The following SPECC1 variants were observed in gnomAD, a reference collection of about 807,000 sequenced individuals.
The protein encoded by SPECC1 is cytospin-B.
In SPECC1, 62 loss-of-function variants were observed where a neutral mutation model predicts 104.1. The observed-to-expected ratio is 0.60, with a 90% CI of 0.49 to 0.74. The LOEUF (loss-of-function observed/expected upper bound fraction) is 0.74. SPECC1 is among the 30% of genes least tolerant of loss of function. SPECC1 has a pLI of 0.00. For missense variants in SPECC1, 1,306 were observed against 1,310.5 expected, an observed-to-expected ratio of 1.00 and a Z score of 0.05; for synonymous variants, 513 against 501.6, an observed-to-expected ratio of 1.02 and a Z score of -0.30.
At chr17:20,200,492 G>A (rs1472304086) in intron 3 of SPECC1, among the ~76,000 whole-genome samples, 1 of 152,178 alleles carries the variant, frequency 6.6e-6, no homozygotes, top group Non-Finnish European at 1.5e-5. Flanking sequence ...ATGACGGGGT[G>A]GGAGCAGCAC....
At chr17:20,069,097 T>C (rs1320207577) in intron 1 of SPECC1, among the ~76,000 whole-genome samples, 1 of 152,258 alleles carries the variant, frequency 6.6e-6, no homozygotes, top group Non-Finnish European at 1.5e-5. Flanking sequence ...AGTTACCTTT[T>C]CTGCTCCCTC....
intron 3 of SPECC1, among the ~76,000 whole-genome samples, chr17:20,197,674 A>G (rs1331994962): frequency 2.0e-5 from 3 of 152,234 alleles, no homozygotes; most frequent in Non-Finnish European, 1.5e-5. Context: ...TCAAGCTCCC[A>G]AGGACATAAA....
chr17:20,086,423 TCA>T (rs1367469592), intron 1 of SPECC1, among the ~76,000 whole-genome samples: 1 of 152,106 alleles, frequency 6.6e-6, no homozygotes. Context: ...GCCACAGCAC[TCA>T]GTGTGGTTGG....
At chr17:20,080,837 G>C (rs976055236) in intron 1 of SPECC1, among the ~76,000 whole-genome samples, 1 of 152,134 alleles carries the variant, frequency 6.6e-6, no homozygotes, top group Non-Finnish European at 1.5e-5. Context: ...GCATCCCTTG[G>C]CCATCCTGAG....
intron 3 of SPECC1, among the ~76,000 whole-genome samples, chr17:20,144,175 CTTTTTTTTTTTTT>C (rs1168474738): frequency 2.1e-5 from 2 of 94,406 alleles, no homozygotes; most frequent in African/African-American, 4.8e-5. Context: ...TTTTTCTTTT[CTTTTTTTTTTTTT>C]TTTTTTTTTT....
chr17:20,247,471 T>TA, intron 9 of SPECC1, 152 bp downstream of exon 9: 1 of 506,950 alleles, frequency 2.0e-6, no homozygotes, highest in Non-Finnish European at 3.5e-6. Context: ...TTCCAATACT[T>TA]ATTTCACTTT....
chr17:20,257,114 TAAAAC>T (rs549242955), intron 10 of SPECC1, among the ~76,000 whole-genome samples: 60 of 152,290 alleles, frequency 3.9e-4, no homozygotes, highest in African/African-American at 1.4e-3. Flanking sequence ...GTCTGTCAGT[TAAAAC>T]AAAAGATACT....
At chr17:20,309,002 G>A (rs1230225580) in intron 14 of SPECC1, among the ~76,000 whole-genome samples, 1 of 152,120 alleles carries the variant, frequency 6.6e-6, no homozygotes, top group Non-Finnish European at 1.5e-5. Context: ...AGTGAGCTGG[G>A]AAGTGAATGA....
intron 5 of SPECC1, among the ~76,000 whole-genome samples, chr17:20,227,838 G>A (rs184105798): frequency 6.6e-5 from 10 of 152,252 alleles, no homozygotes; most frequent in Non-Finnish European, 1.2e-4. Context: ...TCACTTGAAC[G>A]CAGGAGGCGG....
At chr17:20,253,442 CTG>C in intron 9 of SPECC1, 61 bp from the exon 10 acceptor site, 3 of 1,481,910 alleles carry the variant, frequency 2.0e-6, no homozygotes, top group Non-Finnish European at 1.9e-6. Context: ...ACACACACAT[CTG>C]TGTTTGTGCT....
intron 12 of SPECC1, among the ~76,000 whole-genome samples, chr17:20,291,719 A>T (rs2041171376): frequency 6.6e-6 from 1 of 151,880 alleles, no homozygotes. Flanking sequence ...TAATTTTTGT[A>T]TTTTTAGTAG....
chr17:20,063,721 T>C (rs1412101921), intron 1 of SPECC1, among the ~76,000 whole-genome samples: 1 of 152,136 alleles, frequency 6.6e-6, no homozygotes, highest in East Asian at 1.9e-4. Flanking sequence ...TCAGAATCCA[T>C]CAAGAAATGA....
At chr17:20,268,241 G>A (rs1042303559) in intron 12 of SPECC1, among the ~76,000 whole-genome samples, 1 of 152,154 alleles carries the variant, frequency 6.6e-6, no homozygotes, top group Non-Finnish European at 1.5e-5. Context: ...GACAGATGAC[G>A]TCTTTGAACC....
At chr17:20,283,538 T>G (rs1380783231) in intron 12 of SPECC1, among the ~76,000 whole-genome samples, 2 of 152,200 alleles carry the variant, frequency 1.3e-5, no homozygotes, top group Non-Finnish European at 2.9e-5. Flanking sequence ...TATTTGTATT[T>G]CCTCTTCAGT....
chr17:20,292,344 G>C (rs7224557), intron 12 of SPECC1, among the ~76,000 whole-genome samples: 1 of 145,238 alleles, frequency 6.9e-6, no homozygotes, highest in East Asian at 2.4e-4. Flanking sequence ...CTTTTTTTTT[G>C]GGGGGGGGAC....
intron 1 of SPECC1, among the ~76,000 whole-genome samples, chr17:20,072,808 G>A (rs547682319): frequency 6.6e-6 from 1 of 152,324 alleles, no homozygotes; most frequent in East Asian, 1.9e-4. Flanking sequence ...AATGCAGCTT[G>A]TGGCAATGAC....
chr17:20,081,438 A>G (rs2152491200), intron 1 of SPECC1, among the ~76,000 whole-genome samples: 1 of 151,792 alleles, frequency 6.6e-6, no homozygotes, highest in East Asian at 1.9e-4. Flanking sequence ...TGAAGGGGAG[A>G]GGAGGGCCTG....
chr17:20,044,269 T>C (rs1408213691), intron 1 of SPECC1, among the ~76,000 whole-genome samples: 1 of 152,156 alleles, frequency 6.6e-6, no homozygotes, highest in Non-Finnish European at 1.5e-5. Context: ...AAAAAGGCTA[T>C]AACAAGATCT....
intron 2 of SPECC1, among the ~76,000 whole-genome samples, chr17:20,106,262 T>G (rs2048192213): frequency 6.6e-6 from 1 of 152,178 alleles, no homozygotes; most frequent in Non-Finnish European, 1.5e-5. Context: ...TTTTCTCTAT[T>G]GAGAAAAAGC....
Sources: allele counts gnomAD v4.1 joint callset (sites outside exome capture counted in the v4.1 genomes callset), GRCh38; gene constraint gnomAD v4.1.1; transcripts MANE v1.5; gene names NCBI Gene and HGNC (gene_info 2026-07-23, HGNC 2026-07-21).